LTBP1: variants seen among roughly 807,000 people sequenced by gnomAD.
LTBP1 encodes latent transforming growth factor beta binding protein 1.
In LTBP1, 129 loss-of-function variants were observed where a neutral mutation model predicts 207.6. That is an observed-to-expected ratio of 0.62 (90% CI 0.54 to 0.72). The LOEUF (loss-of-function observed/expected upper bound fraction) is 0.72. Ranked by LOEUF, LTBP1 falls within the 30% of genes least tolerant of loss-of-function variation. The pLI is 0.00. For missense variants in LTBP1, 2,281 were observed against 2,217.2 expected (o/e 1.03, Z -0.58); for synonymous variants, 963 against 833.7 (o/e 1.16, Z -2.67).
intron 5 of LTBP1, among the ~76,000 whole-genome samples, chr2:33,171,866 A>G (rs1254166140): frequency 7.9e-5 from 12 of 152,014 alleles, no homozygotes; most frequent in Non-Finnish European, 1.0e-4. Flanking sequence ...CATTCTTAAA[A>G]AAAAGAATTT....
At chr2:33,315,655 T>G (rs1040990811) in intron 24 of LTBP1, among the ~76,000 whole-genome samples, 1 of 152,280 alleles carries the variant, frequency 6.6e-6, no homozygotes, top group African/African-American at 2.4e-5. Context: ...GTGTAAAAAA[T>G]GTCTTGCGGC....
intron 26 of LTBP1, among the ~76,000 whole-genome samples, chr2:33,354,695 C>T (rs1446973558): frequency 1.8e-5 from 2 of 108,774 alleles, no homozygotes; most frequent in East Asian, 6.1e-4. Context: ...CACACACACA[C>T]ACACACACAC....
intron 3 of LTBP1, among the ~76,000 whole-genome samples, chr2:33,090,200 G>A (rs2078998774): frequency 6.6e-6 from 1 of 152,230 alleles, no homozygotes; most frequent in Non-Finnish European, 1.5e-5. Context: ...ATGGTGAAAT[G>A]TTTCATATTT....
Position 32,969,830 on chromosome 2 carries a change from TC to T in LTBP1, c.565+20886del, listed in dbSNP as rs563297323. Among the ~76,000 whole-genome samples the T allele has an allele frequency of 1.3e-3, 191 of 152,336 alleles. 2 individuals are homozygous for T. The highest frequency in any genetic ancestry group is 2.7e-3 in the South Asian group (13 of 4,830). On this transcript the variant is annotated intron_variant, in intron 2 of 33. Transcript: ENST00000404816. The stretch of plus-strand genomic sequence containing the variant: ...GTGAAAAGGTAGCTCTGTTTTAAGT[TC>T]TTTGAGAGATCGCCAACTGATTTCC...
chr2:32,961,802 C>T (rs147308497), intron 2 of LTBP1, among the ~76,000 whole-genome samples: 4,738 of 152,054 alleles, frequency 0.031, 94 homozygotes, highest in Middle Eastern at 0.065. Context: ...AAAAATTAGC[C>T]GGGCGTGGTG....
intron 5 of LTBP1, among the ~76,000 whole-genome samples, chr2:33,167,859 T>A (rs1162226012): frequency 6.6e-6 from 1 of 152,168 alleles, no homozygotes; most frequent in Non-Finnish European, 1.5e-5. Context: ...TCTGCCATGA[T>A]TAGGTTTAGA....
intron 3 of LTBP1, among the ~76,000 whole-genome samples, chr2:33,104,161 G>A (rs186999241): frequency 1.4e-3 from 217 of 152,256 alleles, no homozygotes; most frequent in African/African-American, 5.0e-3. Context: ...TAGTCTGTCT[G>A]TGCGCCAAAA....
intron 3 of LTBP1, among the ~76,000 whole-genome samples, chr2:33,033,368 A>G (rs1338131523): frequency 6.6e-6 from 1 of 152,152 alleles, no homozygotes; most frequent in African/African-American, 2.4e-5. Flanking sequence ...TAATTAAAGG[A>G]TTAACTTACT....
At chr2:33,295,343 A>G (rs1435896799) in intron 20 of LTBP1, among the ~76,000 whole-genome samples, 2 of 152,106 alleles carry the variant, frequency 1.3e-5, no homozygotes, top group African/African-American at 4.8e-5. Flanking sequence ...CTTGGCCAAC[A>G]TGGTGAAACC....
intron 5 of LTBP1, among the ~76,000 whole-genome samples, chr2:33,179,432 T>G (rs2086400132): frequency 6.6e-6 from 1 of 151,432 alleles, no homozygotes; most frequent in South Asian, 2.1e-4. Flanking sequence ...TTACATCTGA[T>G]GTCAAATAAA....
At chr2:33,080,037 GT>G (rs1242706388) in intron 3 of LTBP1, among the ~76,000 whole-genome samples, 1 of 151,754 alleles carries the variant, frequency 6.6e-6, no homozygotes, top group Non-Finnish European at 1.5e-5. Flanking sequence ...GTTTTGTTTT[GT>G]TTTTTTGAGA....
At chr2:33,188,502 C>T in intron 6 of LTBP1, 75 bp from the exon 7 acceptor site, 1 of 1,142,760 alleles carries the variant, frequency 8.8e-7, no homozygotes, top group Non-Finnish European at 1.2e-6. Flanking sequence ...ATAAAATTTA[C>T]TTTCATGTTT....
chr2:33,086,540 G>A (rs1021650890), intron 3 of LTBP1, among the ~76,000 whole-genome samples: 26 of 152,268 alleles, frequency 1.7e-4, no homozygotes, highest in African/African-American at 5.1e-4. Context: ...CATGAGACCC[G>A]AGACTGCGGT....
intron 2 of LTBP1, among the ~76,000 whole-genome samples, chr2:32,959,381 A>C (rs1418356713): frequency 6.6e-6 from 1 of 152,032 alleles, no homozygotes; most frequent in Non-Finnish European, 1.5e-5. Context: ...TGCTACCAGT[A>C]AGAAGCCACC....
chr2:33,097,200 T>A (rs1405889744), intron 3 of LTBP1, among the ~76,000 whole-genome samples: 1 of 152,218 alleles, frequency 6.6e-6, no homozygotes, highest in Non-Finnish European at 1.5e-5. Context: ...TCTAAACTTT[T>A]AAATTGTGTA....
intron 7 of LTBP1, among the ~76,000 whole-genome samples, chr2:33,200,687 G>T (rs1403755686): frequency 1.3e-5 from 2 of 152,052 alleles, no homozygotes; most frequent in Non-Finnish European, 2.9e-5. Flanking sequence ...GAGTGAACAG[G>T]CAACCTACAA....
chr2:33,239,230 T>C (rs2092200058), intron 9 of LTBP1, among the ~76,000 whole-genome samples: 1 of 152,178 alleles, frequency 6.6e-6, no homozygotes, highest in South Asian at 2.1e-4. Flanking sequence ...GCTTCATGGA[T>C]TTTGCCTACT....
chr2:33,198,436 T>A (rs2088823005), intron 7 of LTBP1, among the ~76,000 whole-genome samples: 1 of 152,190 alleles, frequency 6.6e-6, no homozygotes, highest in Non-Finnish European at 1.5e-5. Context: ...GAGGATTCCC[T>A]CTTTTTCTAT....
intron 9 of LTBP1, among the ~76,000 whole-genome samples, chr2:33,243,209 T>C (rs2092395363): frequency 6.6e-6 from 1 of 152,230 alleles, no homozygotes; most frequent in South Asian, 2.1e-4. Context: ...GTATAGGCAA[T>C]TTCATAATTT....
Sources: allele counts gnomAD v4.1 joint callset (sites outside exome capture counted in the v4.1 genomes callset), GRCh38; gene constraint gnomAD v4.1.1; transcripts MANE v1.5; gene names NCBI Gene and HGNC (gene_info 2026-07-23, HGNC 2026-07-21).